The following POLR3B variants were observed in gnomAD, a reference collection of about 807,000 sequenced individuals.
The protein encoded by POLR3B is DNA-directed RNA polymerase III subunit RPC2.
Under a neutral mutation model 147.4 loss-of-function variants are expected in POLR3B, and 96 were observed. That is an observed-to-expected ratio of 0.65 (90% CI 0.55 to 0.77). The LOEUF (loss-of-function observed/expected upper bound fraction) is 0.77. Among genes scored for constraint, POLR3B ranks in the 30% least tolerant of loss-of-function variants. The pLI is 0.00. For synonymous variants in POLR3B, 461 were observed against 485.9 expected, an observed-to-expected ratio of 0.95 and a Z score of 0.67; for missense variants, 1,036 against 1,413.5, an observed-to-expected ratio of 0.73 and a Z score of 4.28.
Position 106,437,106 on chromosome 12 carries a change from A to G in POLR3B, c.1831A>G (p.Met611Val), listed in dbSNP as rs751369777. The change falls in exon 17 of 28, where the codon ATG becomes GTG. Residue 611 changes from methionine (M) to valine (V), a missense_variant. Transcript: ENST00000228347. Reference sequence around the variant, plus strand: ...GAAGCCAGCAGTCACAAATAAACATATGGAAGAGCTGGCCCAAGGGTACAG... The same window carrying G: ...GAAGCCAGCAGTCACAAATAAACATGTGGAAGAGCTGGCCCAAGGGTACAG... ...KQKPAVTNKH[M>V]EELAQGYRNF... 35 of 1,613,314 alleles carry G rather than the reference A, an allele frequency of 2.2e-5. No homozygotes were observed. The highest frequency in any genetic ancestry group is 2.6e-5 in the Non-Finnish European group (31 of 1,179,696).
intron 12 of POLR3B, among the ~76,000 whole-genome samples, chr12:106,416,179 T>A (rs149574456): frequency 1.3e-5 from 2 of 152,334 alleles, no homozygotes; most frequent in African/African-American, 2.4e-5. Flanking sequence ...AGAATGTTAT[T>A]TGACCATTAC....
intron 23 of POLR3B, among the ~76,000 whole-genome samples, chr12:106,467,507 G>C (rs1011841321): frequency 1.3e-5 from 2 of 152,176 alleles, no homozygotes; most frequent in African/African-American, 4.8e-5. Flanking sequence ...GGAGTGGTGA[G>C]AGAGGGCATC....
intron 4 of POLR3B, among the ~76,000 whole-genome samples, 180 bp downstream of exon 4, chr12:106,366,902 G>A (rs957780540): frequency 2.0e-5 from 3 of 152,130 alleles, no homozygotes; most frequent in South Asian, 4.1e-4. Flanking sequence ...TCAAGAGTTC[G>A]AGACCAGCCT....
chr12:106,494,195 A>T (rs1422760851), intron 23 of POLR3B, among the ~76,000 whole-genome samples: 3 of 152,136 alleles, frequency 2.0e-5, no homozygotes, highest in Non-Finnish European at 4.4e-5. Flanking sequence ...TGCTTAATTA[A>T]ATGTGTCGAT....
rs201223367 is a variant in POLR3B, at chr12:106,433,867, A to T, written c.1776A>T (p.Leu592=). ...ATATTTCTTCTGATGGGGGAAGGCT[A>T]TGCAGGTATATATGCAGGTTACTAA... ...CVYISSDGGR[L]CRPYIIVKKQ... Residue 592 remains leucine, a synonymous_variant, in exon 16 of 28, where the codon CTA becomes CTT. Transcript: ENST00000228347. The T allele has an allele frequency of 5.1e-4, 815 of 1,612,872 alleles. 10 individuals carry two copies. In the South Asian group the frequency reaches 8.2e-3, roughly 16 times the overall value.
At chr12:106,482,000 A>T (rs1022193114) in intron 23 of POLR3B, among the ~76,000 whole-genome samples, 3 of 152,232 alleles carry the variant, frequency 2.0e-5, no homozygotes, top group African/African-American at 7.2e-5. Flanking sequence ...TAATTTTAAA[A>T]TGTTTAAAGC....
At chr12:106,444,339 G>A (rs985992737) in intron 18 of POLR3B, 124 bp from the exon 19 acceptor site, 10 of 864,890 alleles carry the variant, frequency 1.2e-5, no homozygotes, top group Admixed American at 2.0e-5. Flanking sequence ...AGTTTTACTA[G>A]CATCAAATTT....
intron 19 of POLR3B, among the ~76,000 whole-genome samples, chr12:106,452,855 G>C (rs1327490496): frequency 6.6e-6 from 1 of 152,054 alleles, no homozygotes; most frequent in African/African-American, 2.4e-5. Flanking sequence ...AGCACATACT[G>C]TCATAAAAAG....
chr12:106,496,973 G>A (rs2038498327), intron 25 of POLR3B, 55 bp downstream of exon 25: 1 of 1,542,492 alleles, frequency 6.5e-7, no homozygotes, highest in Non-Finnish European at 8.9e-7. Flanking sequence ...CTAGGATAGG[G>A]GAGACAAAGC....
At chr12:106,370,987 C>T (rs960052593) in intron 6 of POLR3B, among the ~76,000 whole-genome samples, 12 of 152,086 alleles carry the variant, frequency 7.9e-5, no homozygotes, top group Admixed American at 3.9e-4. Flanking sequence ...ATACTTGTGT[C>T]CAGTTAAATT....
intron 9 of POLR3B, among the ~76,000 whole-genome samples, chr12:106,390,994 T>G (rs1228513463): frequency 6.6e-6 from 1 of 152,166 alleles, no homozygotes; most frequent in Non-Finnish European, 1.5e-5. Context: ...GCACTATGAT[T>G]GCACCTGTGA....
intron 9 of POLR3B, among the ~76,000 whole-genome samples, chr12:106,382,786 T>TA (rs756207982): frequency 5.9e-5 from 9 of 152,184 alleles, no homozygotes; most frequent in Non-Finnish European, 1.0e-4. Context: ...TTAAGGGCCT[T>TA]ACGATTTTCG....
At chr12:106,407,378 G>A (rs1008130721) in intron 11 of POLR3B, among the ~76,000 whole-genome samples, 7 of 152,018 alleles carry the variant, frequency 4.6e-5, no homozygotes, top group East Asian at 1.9e-4. Flanking sequence ...GTGATGATTC[G>A]GAGATATAAT....
intron 20 of POLR3B, 83 bp from the exon 21 acceptor site, chr12:106,457,055 G>A: frequency 8.4e-7 from 1 of 1,184,552 alleles, no homozygotes; most frequent in South Asian, 1.2e-5. Flanking sequence ...GAGGTGGAGT[G>A]GATTGTTGAG....
At position 106,454,788 on chromosome 12, in the gene POLR3B, C is replaced by G. The variant is rs1292488830; in HGVS notation, c.2293+77C>G. 5 of 813,178 alleles carry G rather than the reference C, an allele frequency of 6.1e-6. No individual in the cohort carries two copies. In the African/African-American group the frequency reaches 8.5e-5, roughly 14 times the overall value. 50.4% of individuals were successfully genotyped at this position (813,178 alleles called of 1,614,324 possible). ...ATAGGGATGATTAATGTAAAAATCA[C>G]TTGGTTAATGTCAGTTTTAAGTTAT... is the stretch of plus-strand genomic sequence containing the variant. On this transcript the variant is annotated intron_variant, in intron 20 of 27. Transcript: ENST00000228347.
At chr12:106,472,298 T>C (rs1313074247) in intron 23 of POLR3B, among the ~76,000 whole-genome samples, 1 of 151,942 alleles carries the variant, frequency 6.6e-6, no homozygotes, top group East Asian at 1.9e-4. Flanking sequence ...GTCTTTGCTA[T>C]TGTAAATAGT....
At chr12:106,448,477 C>T (rs907704729) in intron 19 of POLR3B, among the ~76,000 whole-genome samples, 4 of 126,014 alleles carry the variant, frequency 3.2e-5, no homozygotes, top group African/African-American at 1.2e-4. Context: ...CTTGCTGTCA[C>T]CCAGGCTGGA....
rs747058861 is a variant in POLR3B, at chr12:106,369,592, A to G, written c.313A>G (p.Arg105Gly). Residue 105 changes from arginine to glycine, a missense_variant, in exon 6 of 28, where the codon AGA (arginine) becomes GGA (glycine). Physicochemically the swap from Arg to Gly is moderately radical, Grantham distance 125 (BLOSUM62 -2). Coordinates refer to ENST00000228347, the MANE Select transcript of POLR3B (RefSeq NM_018082.6). ...CCTGATTCTCTTTCAGTGCCGTTTG[A>G]GAGACATGACATACTCTGCCCCTAT... ...RPVSPHECRLRDMTYSAPITV... is the reference protein window; with the variant it reads ...RPVSPHECRLGDMTYSAPITV... 4 of 1,608,936 alleles carry G rather than the reference A, an allele frequency of 2.5e-6. No homozygotes were observed. The highest frequency in any genetic ancestry group is 3.4e-6 in the Non-Finnish European group (4 of 1,175,276).
intron 10 of POLR3B, among the ~76,000 whole-genome samples, chr12:106,395,827 G>A (rs11112968): frequency 7.8e-4 from 118 of 152,090 alleles, no homozygotes; most frequent in African/African-American, 2.0e-3. Flanking sequence ...AAAATTAGCC[G>A]GGCGTGGTGG....
Sources: allele counts gnomAD v4.1 joint callset (sites outside exome capture counted in the v4.1 genomes callset), GRCh38; gene constraint gnomAD v4.1.1; transcripts MANE v1.5; gene names NCBI Gene and HGNC (gene_info 2026-07-23, HGNC 2026-07-21).